The following RHOBTB1 variants were observed in gnomAD, a reference collection of about 807,000 sequenced individuals.
RHOBTB1 encodes the protein Rho related BTB domain containing 1, also known as rho-related BTB domain-containing protein 1.
Under a neutral mutation model 71.6 loss-of-function variants are expected in RHOBTB1, and 40 were observed. The observed-to-expected ratio is 0.56, with a 90% CI of 0.43 to 0.73. The LOEUF is 0.73. Ranked by LOEUF, RHOBTB1 falls within the 30% of genes least tolerant of loss-of-function variation. The pLI is 0.00. For synonymous variants in RHOBTB1, 319 were observed against 334.9 expected (o/e 0.95, Z 0.52); for missense variants, 797 against 894.0 (o/e 0.89, Z 1.38).
chr10:60,961,273 A>C (rs2085767351), intron 2 of RHOBTB1, among the ~76,000 whole-genome samples: 1 of 152,154 alleles, frequency 6.6e-6, no homozygotes, highest in East Asian at 1.9e-4. Context: ...ATGAGATGAC[A>C]CAGTATGCCT....
chr10:60,987,862 G>C (rs2086718618), intron 1 of RHOBTB1, among the ~76,000 whole-genome samples: 1 of 141,126 alleles, frequency 7.1e-6, no homozygotes, highest in Non-Finnish European at 1.5e-5. Flanking sequence ...CCTGACAAAA[G>C]TTGTTTCCTG....
rs756144123 is a variant in RHOBTB1, at chr10:60,888,264, G to T, written c.1404C>A (p.His468Gln). The change falls in exon 6 of 11, where the codon CAC becomes CAA. Residue 468 changes from histidine to glutamine, a missense_variant. By Grantham distance (24) the His-to-Gln change is conservative (BLOSUM62 0). Around this residue, in one of 2 missense-constraint regions of RHOBTB1, gnomAD observed 658 missense variants for 681.5 expected, o/e 0.97. Coordinates refer to ENST00000337910, the MANE Select transcript of RHOBTB1 (RefSeq NM_014836.5). ...CTTTTATCCGATTGGCTTTCCTTAC[G>T]TGAAAGGCTTTCGTAATCTCCTGGT... ...FMNQEITKAF[H>Q]VRKANRIKEC... is the part of the protein sequence containing the mutation. 6.2e-7 allele frequency: 1 copy of T among 1,613,804 alleles called. No individual in the cohort carries two copies. The highest frequency in any genetic ancestry group is 8.5e-7 in the Non-Finnish European group (1 of 1,179,978).
chr10:60,953,586 T>C (rs1385779155), intron 2 of RHOBTB1, among the ~76,000 whole-genome samples: 1 of 152,222 alleles, frequency 6.6e-6, no homozygotes, highest in Non-Finnish European at 1.5e-5. Flanking sequence ...CTGTTTTCTA[T>C]TGAAAGAAAT....
chr10:60,991,107 A>G (rs2086848197), intron 1 of RHOBTB1, among the ~76,000 whole-genome samples: 1 of 152,174 alleles, frequency 6.6e-6, no homozygotes, highest in East Asian at 1.9e-4. Flanking sequence ...CTTCTCCTTT[A>G]GGCCAGGGTA....
At chr10:60,980,213 A>G (rs940460547) in intron 2 of RHOBTB1, among the ~76,000 whole-genome samples, 3 of 152,246 alleles carry the variant, frequency 2.0e-5, no homozygotes, top group Non-Finnish European at 4.4e-5. Context: ...CAAGACATTA[A>G]TGATAGGTGA....
intron 2 of RHOBTB1, among the ~76,000 whole-genome samples, chr10:60,962,786 G>A (rs1363811327): frequency 2.0e-5 from 3 of 152,078 alleles, no homozygotes; most frequent in Admixed American, 6.6e-5. Context: ...TGGTCCCATC[G>A]TAACAATTTT....
intron 2 of RHOBTB1, among the ~76,000 whole-genome samples, chr10:60,930,708 C>A (rs1336688787): frequency 1.3e-5 from 2 of 152,120 alleles, no homozygotes; most frequent in Non-Finnish European, 2.9e-5. Context: ...CTAAAAAAGT[C>A]TCTTTGAAAT....
At chr10:60,961,408 G>A (rs141800442) in intron 2 of RHOBTB1, among the ~76,000 whole-genome samples, 4 of 152,094 alleles carry the variant, frequency 2.6e-5, no homozygotes, top group East Asian at 3.9e-4. Flanking sequence ...AAATAACACC[G>A]GTGCATTAAG....
At chr10:60,913,165 C>G (rs963856906) in intron 2 of RHOBTB1, among the ~76,000 whole-genome samples, 5 of 152,236 alleles carry the variant, frequency 3.3e-5, no homozygotes, top group Admixed American at 2.6e-4. Context: ...ACAGTTAGGA[C>G]TATTGGAACA....
chr10:60,934,412 T>G (rs965666002), intron 2 of RHOBTB1, among the ~76,000 whole-genome samples: 1 of 152,108 alleles, frequency 6.6e-6, no homozygotes, highest in Non-Finnish European at 1.5e-5. Context: ...CCCCTCAGCA[T>G]AGAACAATGC....
intron 2 of RHOBTB1, among the ~76,000 whole-genome samples, chr10:60,955,045 T>TTTTC (rs1554853423): frequency 7.3e-6 from 1 of 136,604 alleles, no homozygotes; most frequent in Non-Finnish European, 1.6e-5. Context: ...CTTTCTTTCT[T>TTTTC]TTTTTTTTTT....
intron 1 of RHOBTB1, among the ~76,000 whole-genome samples, chr10:60,998,298 T>C (rs1182802010): frequency 6.6e-6 from 1 of 152,208 alleles, no homozygotes; most frequent in Non-Finnish European, 1.5e-5. Flanking sequence ...TAATTACTTA[T>C]TCAAACATAC....
At chr10:60,904,989 A>T (rs1006215491) in intron 4 of RHOBTB1, among the ~76,000 whole-genome samples, 1 of 152,194 alleles carries the variant, frequency 6.6e-6, no homozygotes, top group Admixed American at 6.5e-5. Flanking sequence ...ACTTTTCCAT[A>T]AAAAGCACAT....
At chr10:60,927,762 T>A (rs958124723) in intron 2 of RHOBTB1, among the ~76,000 whole-genome samples, 5 of 152,134 alleles carry the variant, frequency 3.3e-5, no homozygotes, top group Non-Finnish European at 7.3e-5. Flanking sequence ...ATGAAACGAT[T>A]ATAAGAAAAT....
intron 7 of RHOBTB1, among the ~76,000 whole-genome samples, chr10:60,882,968 T>A (rs1463937914): frequency 1.3e-5 from 2 of 152,204 alleles, no homozygotes; most frequent in Non-Finnish European, 2.9e-5. Context: ...TCTCATGCCT[T>A]CTCTGCCCTT....
rs758720043 is a variant in RHOBTB1 at position 60,911,010 on chromosome 10, C to A, written c.193-20G>T. Reference sequence around the variant, plus strand: ...CAAGACCTGCAGGAGAGAGAGAGAGCATCTGTGCTCGGTGTCAGTCAGAAG... The same window carrying A: ...CAAGACCTGCAGGAGAGAGAGAGAGAATCTGTGCTCGGTGTCAGTCAGAAG... On this transcript the variant is annotated intron_variant, in intron 3 of 10. Transcript: ENST00000337910. 8.2e-6 allele frequency: 13 copies of A among 1,577,834 alleles called. No individual in the cohort carries two copies. In the Admixed American group the frequency reaches 1.8e-4, roughly 22 times the overall value.
rs1168233488 is a variant in RHOBTB1 at position 60,963,828 on chromosome 10, C to T, written c.-61-21974G>A. 3.3e-5 allele frequency among the ~76,000 whole-genome samples: 5 copies of T among 152,146 alleles called. No homozygotes were observed. In the East Asian group the frequency reaches 5.8e-4, roughly 18 times the overall value. On this transcript the variant is annotated intron_variant, in intron 2 of 11. Coordinates refer to the RHOBTB1 transcript ENST00000357917. ...AATATTTTCTTTGTTCCACACATTA[C>T]CAACGATAGCATCTAATAATGGTTC...
chr10:60,946,127 G>A (rs1241881326), upstream of RHOBTB1, among the ~76,000 whole-genome samples: 1 of 151,618 alleles, frequency 6.6e-6, no homozygotes, highest in African/African-American at 2.4e-5. Flanking sequence ...GCAGTGAGCC[G>A]AGATCGCGCC....
At chr10:60,931,753 A>G (rs1315302098) in intron 2 of RHOBTB1, among the ~76,000 whole-genome samples, 1 of 152,124 alleles carries the variant, frequency 6.6e-6, no homozygotes, top group Admixed American at 6.6e-5. Context: ...TCTTTCTCTG[A>G]CTCAAGCTCT....
Sources: gnomAD v4.1 joint callset for allele counts (sites outside exome capture counted in the v4.1 genomes callset) on GRCh38, gnomAD v4.1.1 for gene constraint, gnomAD v4.1.1 regional missense constraint, MANE v1.5 for transcripts, NCBI Gene and HGNC (gene_info 2026-07-23, HGNC 2026-07-21) for gene names.